The following ADGRL2 variants were observed in gnomAD, a reference collection of about 807,000 sequenced individuals.
ADGRL2 encodes calcium-independent alpha-latrotoxin receptor 2.
A neutral mutation model predicts 157.4 loss-of-function variants in ADGRL2; 44 were observed. The ratio of observed to expected loss-of-function variants is 0.28; its 90% confidence interval spans 0.22 to 0.36. ADGRL2 has a LOEUF of 0.36. ADGRL2 is among the 10% of genes least tolerant of loss of function. ADGRL2 has a pLI of 1.00. For synonymous variants in ADGRL2, 585 were observed against 624.7 expected (o/e 0.94, Z 0.95); for missense variants, 1,510 against 1,768.9 (o/e 0.85, Z 2.63).
intron 2 of ADGRL2, among the ~76,000 whole-genome samples, chr1:81,765,473 G>A (rs1367580443): frequency 6.6e-6 from 1 of 151,960 alleles, no homozygotes. Context: ...AACAGACAAA[G>A]TTCTGAATAC....
chr1:81,719,335 C>T (rs139112667), intron 1 of ADGRL2, among the ~76,000 whole-genome samples: 1 of 152,292 alleles, frequency 6.6e-6, no homozygotes, highest in Non-Finnish European at 1.5e-5. Context: ...AGTAAATTTG[C>T]TATGAATTAA....
intron 1 of ADGRL2, among the ~76,000 whole-genome samples, chr1:81,727,828 T>TATAC (rs1557600998): frequency 6.6e-6 from 1 of 150,654 alleles, no homozygotes; most frequent in African/African-American, 2.4e-5. Context: ...TATATATATA[T>TATAC]ACATCTAAAA....
At chr1:81,493,784 G>T (rs1390427757) in intron 2 of ADGRL2, among the ~76,000 whole-genome samples, 1 of 152,108 alleles carries the variant, frequency 6.6e-6, no homozygotes, top group Non-Finnish European at 1.5e-5. Context: ...AGTGGTCAGT[G>T]GTTACTTGCA....
At chr1:81,975,635 A>G (rs1166741346) in intron 17 of ADGRL2, among the ~76,000 whole-genome samples, 1 of 151,782 alleles carries the variant, frequency 6.6e-6, no homozygotes, top group African/African-American at 2.4e-5. Flanking sequence ...ATCACTTATT[A>G]TAATTGGTGG....
intron 3 of ADGRL2, among the ~76,000 whole-genome samples, chr1:81,924,351 T>C (rs2095056170): frequency 6.6e-6 from 1 of 152,138 alleles, no homozygotes; most frequent in African/African-American, 2.4e-5. Flanking sequence ...CTGTACATAG[T>C]CATTTATGTG....
chr1:81,714,281 A>G (rs1243031258), intron 1 of ADGRL2, among the ~76,000 whole-genome samples: 1 of 152,242 alleles, frequency 6.6e-6, no homozygotes, highest in Non-Finnish European at 1.5e-5. Context: ...TACTATTAAT[A>G]ATTGTGCCAG....
chr1:81,936,395 C>A (rs1350159418), intron 3 of ADGRL2, among the ~76,000 whole-genome samples: 2 of 151,676 alleles, frequency 1.3e-5, no homozygotes, highest in East Asian at 3.9e-4. Flanking sequence ...ATCTTAATAT[C>A]CTAGTAAGAT....
intron 1 of ADGRL2, among the ~76,000 whole-genome samples, chr1:81,430,803 C>T (rs75304576): frequency 0.022 from 3,340 of 152,214 alleles, 88 homozygotes; most frequent in African/African-American, 0.056. Flanking sequence ...TGGCTTAAGA[C>T]GTGCAGAAAG....
At chr1:81,427,644 GGA>G (rs1482944179) in intron 1 of ADGRL2, 76 of 552,818 alleles carry the variant, frequency 1.4e-4, no homozygotes, top group East Asian at 2.4e-4. Flanking sequence ...GCTCTTAGCA[GGA>G]GAGAGAGAGA....
chr1:81,634,421 T>C (rs1210630581), intron 3 of ADGRL2, among the ~76,000 whole-genome samples: 1 of 151,972 alleles, frequency 6.6e-6, no homozygotes, highest in Non-Finnish European at 1.5e-5. Context: ...AAGTTACACA[T>C]CATCTGGCTT....
At chr1:81,446,433 T>G (rs574573261) in intron 2 of ADGRL2, among the ~76,000 whole-genome samples, 2 of 152,280 alleles carry the variant, frequency 1.3e-5, no homozygotes, top group East Asian at 3.9e-4. Flanking sequence ...TGAGCCTATA[T>G]AGGGCCAATG....
In ADGRL2 at chr1:81,659,756, T is replaced by C. The variant is rs1368710621; in HGVS notation, c.-143+78776T>C. On this transcript the variant is annotated intron_variant, in intron 3 of 24. Coordinates refer to the ADGRL2 transcript ENST00000370721. ...TTTTATTTTAGTGCATCCAACTGGT[T>C]TACCACATTCTCATCAAATGCCCTG... is the stretch of plus-strand genomic sequence containing the variant. Among the ~76,000 whole-genome samples, 4 of 152,204 alleles carry C rather than the reference T, an allele frequency of 2.6e-5. No individual in the cohort carries two copies. In the South Asian group the frequency reaches 8.3e-4, roughly 31 times the overall value.
intron 11 of ADGRL2, among the ~76,000 whole-genome samples, chr1:81,960,407 C>T (rs1460265742): frequency 6.6e-6 from 1 of 152,020 alleles, no homozygotes; most frequent in Non-Finnish European, 1.5e-5. Context: ...CAGATCGGTT[C>T]CATGGTTTAG....
intron 3 of ADGRL2, among the ~76,000 whole-genome samples, chr1:81,619,268 G>A (rs2081735267): frequency 7.7e-6 from 1 of 129,048 alleles, no homozygotes. Flanking sequence ...GTCCAGCACA[G>A]TTGTGGCTTT....
intron 1 of ADGRL2, among the ~76,000 whole-genome samples, chr1:81,824,815 CTT>C (rs1557715296): frequency 6.6e-6 from 1 of 152,102 alleles, no homozygotes; most frequent in African/African-American, 2.4e-5. Context: ...AATAAAAAAT[CTT>C]GAGTAAAAGT....
chr1:81,516,275 A>G (rs59901161), intron 2 of ADGRL2, among the ~76,000 whole-genome samples: 6,289 of 152,274 alleles, frequency 0.041, 428 homozygotes, highest in African/African-American at 0.14. Context: ...CTCTGCTTCT[A>G]TGACCTTTAC....
chr1:81,396,009 TCA>T (rs1296970091), intron 1 of ADGRL2, among the ~76,000 whole-genome samples: 6 of 152,312 alleles, frequency 3.9e-5, no homozygotes, highest in African/African-American at 1.2e-4. Flanking sequence ...CTTTGGTTAT[TCA>T]CAGTCTCTTG....
intron 1 of ADGRL2, among the ~76,000 whole-genome samples, chr1:81,835,321 T>C (rs972034940): frequency 3.3e-5 from 5 of 152,128 alleles, no homozygotes; most frequent in Non-Finnish European, 7.4e-5. Context: ...CTTGATCAGA[T>C]CATCGAACAG....
intron 3 of ADGRL2, among the ~76,000 whole-genome samples, chr1:81,632,483 G>C (rs1190177721): frequency 2.6e-5 from 4 of 152,166 alleles, no homozygotes; most frequent in Non-Finnish European, 4.4e-5. Flanking sequence ...CATAGGCCCG[G>C]CACGGTGGCT....
Sources: gnomAD v4.1 joint callset for allele counts (sites outside exome capture counted in the v4.1 genomes callset) on GRCh38, gnomAD v4.1.1 for gene constraint, MANE v1.5 for transcripts, NCBI Gene and HGNC (gene_info 2026-07-23, HGNC 2026-07-21) for gene names.